ZNF208: variants seen among roughly 807,000 people sequenced by gnomAD.
The protein encoded by ZNF208 is zinc finger protein 208, also known as zinc finger protein 95.
A neutral mutation model predicts 12.1 loss-of-function variants in ZNF208; 10 were observed. That is an observed-to-expected ratio of 0.83 (90% confidence interval 0.51 to 1.40). ZNF208 has a LOEUF of 1.40. Ranked by LOEUF, ZNF208 falls within the 40% of genes most tolerant of loss-of-function variation. ZNF208 has a pLI of 0.00. For missense variants in ZNF208, 1,652 were observed against 1,485.0 expected, an observed-to-expected ratio of 1.11 and a Z score of -1.85; for synonymous variants, 497 against 488.4, an observed-to-expected ratio of 1.02 and a Z score of -0.23.
intron 1 of ZNF208, among the ~76,000 whole-genome samples, chr19:21,992,074 C>A (rs767261513): frequency 1.2e-4 from 18 of 151,930 alleles, no homozygotes; most frequent in African/African-American, 3.4e-4. Context: ...TTTCCAAAAA[C>A]AGACAAATGG....
chr19:21,957,729 T>C (rs2145523803), intron 4 of ZNF208, among the ~76,000 whole-genome samples: 2 of 152,330 alleles, frequency 1.3e-5, no homozygotes, highest in Middle Eastern at 3.4e-3. Flanking sequence ...AGATAGTTAC[T>C]CTTGCTGCAC....
At chr19:21,952,928 T>A (rs573678682) in intron 4 of ZNF208, among the ~76,000 whole-genome samples, 11 of 152,086 alleles carry the variant, frequency 7.2e-5, no homozygotes, top group African/African-American at 2.7e-4. Context: ...TGAAAAAAGG[T>A]TAGATGAATG....
At chr19:21,960,723 A>G (rs1970051464) in intron 4 of ZNF208, among the ~76,000 whole-genome samples, 2 of 152,196 alleles carry the variant, frequency 1.3e-5, no homozygotes, top group Non-Finnish European at 2.9e-5. Flanking sequence ...AGCCACAACC[A>G]GAAAGTCTTT....
intron 2 of ZNF208, 65 bp from the exon 3 acceptor site, chr19:21,987,376 T>G (rs1331581678): frequency 7.5e-6 from 11 of 1,466,578 alleles, no homozygotes; most frequent in Non-Finnish European, 1.0e-5. Flanking sequence ...CTCAGTAATG[T>G]GCTCAGTAAA....
chr19:21,978,313 G>A (rs559901387), intron 3 of ZNF208, among the ~76,000 whole-genome samples: 11 of 152,242 alleles, frequency 7.2e-5, no homozygotes, highest in Admixed American at 2.6e-4. Flanking sequence ...TAGACACCTC[G>A]TACAAGAGAG....
At chr19:21,964,913 T>C (rs1343539680), downstream of ZNF208, among the ~76,000 whole-genome samples, 2 of 151,982 alleles carry the variant, frequency 1.3e-5, no homozygotes, top group African/African-American at 2.4e-5. Context: ...TAAAAATCAT[T>C]CTAACAACAT....
At chr19:21,996,681 A>C (rs951112773) in intron 1 of ZNF208, among the ~76,000 whole-genome samples, 1 of 152,196 alleles carries the variant, frequency 6.6e-6, no homozygotes, top group African/African-American at 2.4e-5. Flanking sequence ...TTTTAGCATG[A>C]GGAGGGAGGG....
At chr19:22,002,047 C>T (rs890332439) in intron 1 of ZNF208, among the ~76,000 whole-genome samples, 1 of 151,874 alleles carries the variant, frequency 6.6e-6, no homozygotes, top group Admixed American at 6.6e-5. Context: ...GCTCAACATA[C>T]AGAAATCAAT....
At chr19:21,986,911 CTG>C (rs1970636856) in intron 3 of ZNF208, 1 of 414,418 alleles carries the variant, frequency 2.4e-6, no homozygotes. Context: ...ATGCAGATAT[CTG>C]TGTGTCCACA....
intron 3 of ZNF208, among the ~76,000 whole-genome samples, chr19:21,980,880 A>G (rs1227813192): frequency 6.6e-6 from 1 of 152,178 alleles, no homozygotes; most frequent in Admixed American, 6.5e-5. Flanking sequence ...TAAAGGGGAC[A>G]TCACCACTGA....
intron 3 of ZNF208, among the ~76,000 whole-genome samples, chr19:21,979,761 C>T (rs905483748): frequency 4.6e-5 from 7 of 152,026 alleles, no homozygotes; most frequent in Admixed American, 1.3e-4. Flanking sequence ...AGGCTAAATG[C>T]CCCAATTAAA....
intron 1 of ZNF208, among the ~76,000 whole-genome samples, chr19:22,003,927 C>T (rs1970999761): frequency 6.6e-6 from 1 of 151,634 alleles, no homozygotes; most frequent in South Asian, 2.1e-4. Context: ...TCCAGCACTT[C>T]GGGGGATGAG....
In ZNF208 at chr19:21,968,896, G is replaced by C. The variant is rs994321599; in HGVS notation, c.*2295C>G. ...CATTTTTGCTCTGCTAAAGACTTCT[G>C]TTATTAGGCCAGGCACTGTGGCTCA... On this transcript the variant is annotated 3_prime_UTR_variant, in exon 4 of 4. Coordinates refer to ENST00000397126, the MANE Select transcript of ZNF208 (RefSeq NM_007153.3). Among the ~76,000 whole-genome samples, 2 of 152,024 alleles carry C rather than the reference G, an allele frequency of 1.3e-5. No homozygotes were observed. The highest frequency in any genetic ancestry group is 2.9e-5 in the Non-Finnish European group (2 of 67,986).
At chr19:21,980,876 G>GA (rs1970525382) in intron 3 of ZNF208, among the ~76,000 whole-genome samples, 1 of 151,730 alleles carries the variant, frequency 6.6e-6, no homozygotes, top group Non-Finnish European at 1.5e-5. Context: ...ATAATAAAGG[G>GA]GACATCACCA....
At chr19:21,995,830 G>T (rs1970827190) in intron 1 of ZNF208, among the ~76,000 whole-genome samples, 1 of 152,154 alleles carries the variant, frequency 6.6e-6, no homozygotes, top group African/African-American at 2.4e-5. Context: ...TCATATAACT[G>T]TGGCAGGTTA....
Position 21,971,224 on chromosome 19 carries a change from T to C in ZNF208, c.3810A>G (p.Lys1270=), listed in dbSNP as rs1160973440. ...KAFSWLSVFS[K]HKKIHTGEKL ...TCTCTCCAGTATGAATTTTCTTATG[T>C]TTACTGAAGACTGATAACCAGCTGA... Residue 1270 remains lysine, a synonymous_variant, in exon 4 of 4, where the codon AAA becomes AAG. Transcript: ENST00000397126. 2 of 1,611,920 alleles carry C rather than the reference T, an allele frequency of 1.2e-6. No individual in the cohort carries two copies. Among genetic ancestry groups the C allele is most frequent in the South Asian group, 2.2e-5 (2 of 90,994 alleles).
intron 3 of ZNF208, among the ~76,000 whole-genome samples, chr19:21,978,501 C>G (rs1970475358): frequency 1.3e-5 from 2 of 152,186 alleles, no homozygotes; most frequent in African/African-American, 4.8e-5. Flanking sequence ...AAAAGGAAAA[C>G]TAACAAACAG....
In ZNF208 at chr19:21,966,885, G is replaced by A. The variant is rs1446921698; in HGVS notation, c.*4306C>T. On this transcript the variant is annotated 3_prime_UTR_variant, in exon 4 of 4. Transcript: ENST00000397126. Reference sequence around the variant, plus strand: ...AGCAATTTTTACATGTTTATTGGCAGCTCTTATGTCTTCCTTTGAGAAGAA... The same window carrying A: ...AGCAATTTTTACATGTTTATTGGCAACTCTTATGTCTTCCTTTGAGAAGAA... 6.6e-6 allele frequency: 1 copy of A among 152,090 alleles called. No individual in the cohort carries two copies. Among genetic ancestry groups the A allele is most frequent in the Non-Finnish European group, 1.5e-5 (1 of 68,006 alleles). The allele number at this position is 152,090 out of a possible 1,614,324, so 9.4% of individuals were successfully genotyped here. A position where few individuals can be genotyped will look rare whatever the true frequency, so the allele number is the denominator to read the frequency against.
rs899277661 is a variant in ZNF208 at position 21,971,130 on chromosome 19, T to A, written c.*61A>T. 4.8e-5 allele frequency: 78 copies of A among 1,612,982 alleles called. No individual in the cohort carries two copies. Among genetic ancestry groups the A allele is most frequent in the Non-Finnish European group, 6.4e-5 (75 of 1,179,672 alleles). ...TTGTAGGGTTTCTCTCCAGTATGAATTTTCTTATGATAACTAAGGGTTGAG... is the reference window on the plus strand; with the variant it reads ...TTGTAGGGTTTCTCTCCAGTATGAAATTTCTTATGATAACTAAGGGTTGAG... On this transcript the variant is annotated 3_prime_UTR_variant, in exon 4 of 4. Transcript: ENST00000397126.
Sources: gnomAD v4.1 joint callset for allele counts (sites outside exome capture counted in the v4.1 genomes callset) on GRCh38, gnomAD v4.1.1 for gene constraint, MANE v1.5 for transcripts, NCBI Gene and HGNC (gene_info 2026-07-23, HGNC 2026-07-21) for gene names.